The following COL6A1 variants were observed in gnomAD, a reference collection of about 807,000 sequenced individuals.
COL6A1 encodes the protein collagen type VI alpha 1 chain.
COL6A1 carries 80 observed loss-of-function variants against 145.6 expected under a neutral mutation model. The ratio of observed to expected loss-of-function variants is 0.55; its 90% CI spans 0.46 to 0.66. The LOEUF (loss-of-function observed/expected upper bound fraction) is 0.66, where lower values mean the gene tolerates loss of function less well. Among genes scored for constraint, COL6A1 ranks in the 30% least tolerant of loss-of-function variants. The pLI is 0.00. For synonymous variants in COL6A1, 638 were observed against 622.8 expected (o/e 1.02, Z -0.36); for missense variants, 1,364 against 1,473.8 (o/e 0.93, Z 1.22).
Position 46,004,271 on chromosome 21 carries a change from T to A in COL6A1, c.*258T>A. Reference sequence around the variant, plus strand: ...CTAGTGTCACCTGCACAGGGCCCTCTGAGGCTCAGCCCTGAGCTGGCGTCA... The same window carrying A: ...CTAGTGTCACCTGCACAGGGCCCTCAGAGGCTCAGCCCTGAGCTGGCGTCA... On this transcript the variant is annotated 3_prime_UTR_variant, in exon 35 of 35. Coordinates refer to ENST00000361866, the MANE Select transcript of COL6A1 (RefSeq NM_001848.3). 1 of 569,968 alleles carries A rather than the reference T, an allele frequency of 1.8e-6. No individual in the cohort carries two copies. The allele number at this position is 569,968 out of a possible 1,614,324, so 35.3% of individuals were successfully genotyped here.
intron 24 of COL6A1, 44 bp downstream of exon 24, chr21:45,998,477 TTCACAG>T (rs1569518732): frequency 1.2e-6 from 2 of 1,612,416 alleles, no homozygotes; most frequent in African/African-American, 2.7e-5. Context: ...CACACAAACA[TTCACAG>T]TCACAGGGAC....
intron 27 of COL6A1, among the ~76,000 whole-genome samples, chr21:45,999,903 A>G (rs79767796): frequency 0.023 from 645 of 27,610 alleles, 6 homozygotes; most frequent in Middle Eastern, 0.075. Context: ...TAGAGGGGAC[A>G]TGTGAGGATC....
rs1041607343 is a variant in COL6A1 at position 45,992,346 on chromosome 21, G to T, written c.1237-17G>T. 7.4e-6 allele frequency: 12 copies of T among 1,613,822 alleles called. No homozygotes were observed. Among genetic ancestry groups the T allele is most frequent in the Non-Finnish European group, 1.0e-5 (12 of 1,180,020 alleles). On this transcript the variant is annotated splice_polypyrimidine_tract_variant and intron_variant, in intron 17 of 34. Coordinates refer to ENST00000361866, the MANE Select transcript of COL6A1 (RefSeq NM_001848.3). Reference sequence around the variant, plus strand: ...GTCCACCAGACTAACGCCGGCGTCTGTTTCTCTTCATCCCAGGGGAACCCA... The same window carrying T: ...GTCCACCAGACTAACGCCGGCGTCTTTTTCTCTTCATCCCAGGGGAACCCA...
intron 13 of COL6A1, 45 bp downstream of exon 13, chr21:45,990,467 TGGGGCGAGATGGGG>T: frequency 6.5e-6 from 2 of 308,376 alleles, no homozygotes; most frequent in Non-Finnish European, 4.2e-6. Context: ...CGAGGAGGAA[TGGGGCGAGATGGGG>T]AGGGACGGAG....
rs1603590500 is a variant in COL6A1 at position 45,989,086 on chromosome 21, A to T, written c.807A>T (p.Gly269=). Residue 269 remains glycine (G), a splice_region_variant and synonymous_variant, in exon 9 of 35, where the codon GGA becomes GGT. Coordinates refer to ENST00000361866, the MANE Select transcript of COL6A1 (RefSeq NM_001848.3). ...PGLRGDPGFE[G]ERGKPGLPGE... is the part of the protein sequence containing the mutation. ...CCTTGACCTGTTTTGTGTTCCAGGG[A>T]GAACGAGGCAAGCCGGGGCTCCCAG... The T allele has an allele frequency of 6.2e-7, 1 of 1,611,562 alleles. No individual in the cohort carries two copies. The highest frequency in any genetic ancestry group is 1.3e-5 in the African/African-American group (1 of 75,008).
chr21:45,982,642 G>A lies in COL6A1; in HGVS notation c.106G>A (p.Val36Met), dbSNP rs769258891. 3.7e-6 allele frequency: 6 copies of A among 1,612,740 alleles called. No individual in the cohort carries two copies. The Admixed American group carries it at 5.0e-5, about 13-fold the overall frequency. ...PRAVAFQDCP[V>M]DLFFVLDTSE... ...CCTCCATCTTCGGCCAGACTGCCCC[G>A]TGGACCTGTTCTTTGTGCTGGACAC... The change falls in exon 2 of 35, where the codon GTG becomes ATG. Residue 36 changes from valine to methionine, a missense_variant. Transcript: ENST00000361866.
At chr21:45,999,902 CAT>C (rs1440199289) in intron 27 of COL6A1, among the ~76,000 whole-genome samples, 98 of 10,200 alleles carry the variant, frequency 9.6e-3, no homozygotes, top group South Asian at 0.023. Context: ...ATAGAGGGGA[CAT>C]GTGAGGATCA....
Position 45,990,368 on chromosome 21 carries a change from C to T in COL6A1, c.958-10C>T, listed in dbSNP as rs200508160. ...CATCTGACTCCTGCCTTCGTTTTCC[C>T]GCCTCACAGGGAGAGAAGGGCAAGC... On this transcript the variant is annotated splice_polypyrimidine_tract_variant and intron_variant, in intron 12 of 34. Transcript: ENST00000361866. 64 of 1,442,128 alleles carry T rather than the reference C, an allele frequency of 4.4e-5. No homozygotes were observed. In the Admixed American group the frequency reaches 5.1e-4, roughly 12 times the overall value. The allele number at this position is 1,442,128 out of a possible 1,614,324, so 89.3% of individuals were successfully genotyped here.
At chr21:45,999,248 G>C (rs1182037168) in intron 26 of COL6A1, 30 bp downstream of exon 26, 2 of 1,566,428 alleles carry the variant, frequency 1.3e-6, no homozygotes, top group Non-Finnish European at 1.7e-6. Flanking sequence ...TGAGGCCACG[G>C]TGGGCTGTGC....
chr21:45,982,849 C>A, intron 2 of COL6A1, 86 bp downstream of exon 2: 1 of 1,561,536 alleles, frequency 6.4e-7, no homozygotes, highest in Non-Finnish European at 8.7e-7. Context: ...ACGGGTGCGA[C>A]GGCCTCAACC....
At position 45,991,464 on chromosome 21, in the gene COL6A1, G is replaced by A. The variant is rs530553906; in HGVS notation, c.1119+423G>A. Among the ~76,000 whole-genome samples the A allele has an allele frequency of 1.5e-4, 23 of 151,998 alleles. No individual in the cohort carries two copies. The East Asian group carries it at 3.1e-3, about 21-fold the overall frequency. The stretch of plus-strand genomic sequence containing the variant: ...CGGGGGCGGGAGGAGGGTGGTGAGC[G>A]GGTGGGAGGGCGAGTGGGCAGCGGG... On this transcript the variant is annotated intron_variant, in intron 15 of 34. Coordinates refer to ENST00000361866, the MANE Select transcript of COL6A1 (RefSeq NM_001848.3).
At chr21:45,993,034 C>G (rs1392587650) in intron 19 of COL6A1, among the ~76,000 whole-genome samples, 1 of 152,246 alleles carries the variant, frequency 6.6e-6, no homozygotes, top group Non-Finnish European at 1.5e-5. Flanking sequence ...GCCCGTGGAC[C>G]CGGTGCCCAC....
rs763522854 is a variant in COL6A1 at position 45,992,851 on chromosome 21, G to C, written c.1335+41G>C. On this transcript the variant is annotated intron_variant, in intron 19 of 34. Transcript: ENST00000361866. ...TGGAGCTGGGAACCACCCCAGGAAG[G>C]GGCAGGCGGAGGCTGGGGCTGGGTC... 22 of 1,548,836 alleles carry C rather than the reference G, an allele frequency of 1.4e-5. No homozygotes were observed. The East Asian group carries it at 5.2e-4, about 36-fold the overall frequency.
At chr21:45,983,346 C>T (rs1283589887) in intron 2 of COL6A1, among the ~76,000 whole-genome samples, 1 of 143,724 alleles carries the variant, frequency 7.0e-6, no homozygotes, top group African/African-American at 2.5e-5. Flanking sequence ...TGGCTGAGGA[C>T]AGACCGGGGG....
intron 29 of COL6A1, 39 bp from the exon 30 acceptor site, chr21:46,001,214 G>A (rs765834832): frequency 1.9e-6 from 3 of 1,591,746 alleles, no homozygotes; most frequent in Non-Finnish European, 2.6e-6. Context: ...GGCACTGGAG[G>A]GGAGGGGCGT....
intron 26 of COL6A1, 76 bp from the exon 27 acceptor site, chr21:45,999,581 G>A: frequency 6.6e-7 from 1 of 1,518,226 alleles, no homozygotes; most frequent in Non-Finnish European, 9.1e-7. Context: ...GGGCCCTGGG[G>A]GTGGGGGCTG....
intron 4 of COL6A1, 27 bp downstream of exon 4, chr21:45,986,712 GC>G: frequency 6.5e-7 from 1 of 1,540,930 alleles, no homozygotes; most frequent in Non-Finnish European, 8.7e-7. Context: ...CCCGGCAGAT[GC>G]CCCCAACCAC....
intron 24 of COL6A1, 37 bp downstream of exon 24, chr21:45,998,470 A>G: frequency 6.2e-7 from 1 of 1,612,778 alleles, no homozygotes; most frequent in Non-Finnish European, 8.5e-7. Flanking sequence ...CTGTGGGCAC[A>G]CAAACATTCA....
At position 45,987,253 on chromosome 21, in the gene COL6A1, A is replaced by G. The variant is rs751157870; in HGVS notation, c.738+78A>G. The G allele has an allele frequency of 7.6e-6, 12 of 1,570,124 alleles. No individual in the cohort carries two copies. In the South Asian group the frequency reaches 1.4e-4, roughly 18 times the overall value. ...ACGTCCACCTGTGTGTTCAGGACGC[A>G]TGTCCCTATGCATATCCGCCCATGT... On this transcript the variant is annotated intron_variant, in intron 6 of 34. Coordinates refer to ENST00000361866, the MANE Select transcript of COL6A1 (RefSeq NM_001848.3).
Sources: allele counts gnomAD v4.1 joint callset (sites outside exome capture counted in the v4.1 genomes callset), GRCh38; gene constraint gnomAD v4.1.1; transcripts MANE v1.5; gene names NCBI Gene and HGNC (gene_info 2026-07-23, HGNC 2026-07-21).